IFNAR2: variants seen among roughly 807,000 people sequenced by gnomAD.
The protein encoded by IFNAR2 is interferon alpha/beta receptor 2.
A neutral mutation model predicts 49.4 loss-of-function variants in IFNAR2; 30 were observed. The observed-to-expected ratio is 0.61, with a 90% CI of 0.45 to 0.82. IFNAR2 has a LOEUF of 0.82. Ranked by LOEUF, IFNAR2 falls within the 40% of genes least tolerant of loss-of-function variation. The pLI is 0.00. For missense variants in IFNAR2, 600 were observed against 622.7 expected, an observed-to-expected ratio of 0.96 and a Z score of 0.39; for synonymous variants, 224 against 234.5, an observed-to-expected ratio of 0.96 and a Z score of 0.41.
intron 1 of IFNAR2, among the ~76,000 whole-genome samples, chr21:33,238,595 C>G (rs1375583490): frequency 2.0e-5 from 3 of 152,046 alleles, no homozygotes; most frequent in Non-Finnish European, 2.9e-5. Flanking sequence ...GATTATGACT[C>G]AAAATTTAGA....
intron 8 of IFNAR2, among the ~76,000 whole-genome samples, chr21:33,261,571 T>G (rs1988572072): frequency 6.6e-6 from 1 of 152,156 alleles, no homozygotes; most frequent in African/African-American, 2.4e-5. Context: ...AGTGGATTTA[T>G]CCTATAAAAA....
At chr21:33,242,602 G>A (rs1438192208) in intron 2 of IFNAR2, among the ~76,000 whole-genome samples, 5 of 150,526 alleles carry the variant, frequency 3.3e-5, no homozygotes, top group African/African-American at 7.3e-5. Context: ...GCGTGGTGGC[G>A]GGCGCCTGTA....
At chr21:33,262,137 C>T (rs1333337471) in intron 8 of IFNAR2, among the ~76,000 whole-genome samples, 1 of 152,086 alleles carries the variant, frequency 6.6e-6, no homozygotes, top group Non-Finnish European at 1.5e-5. Flanking sequence ...GAGGCCAAGG[C>T]AGGTAGATCA....
chr21:33,248,493 T>C (rs748228050), intron 5 of IFNAR2, among the ~76,000 whole-genome samples: 6 of 152,120 alleles, frequency 3.9e-5, no homozygotes, highest in Non-Finnish European at 7.3e-5. Flanking sequence ...CATTAAGTCT[T>C]TAATAAAAAT....
rs911869316 is a variant in IFNAR2, at chr21:33,264,260, G to T, written c.*760G>T. 5 of 152,364 alleles carry T rather than the reference G, an allele frequency of 3.3e-5. No individual in the cohort carries two copies. Among genetic ancestry groups the T allele is most frequent in the African/African-American group, 1.2e-4 (5 of 41,424 alleles). 9.4% of individuals were successfully genotyped at this position (152,364 alleles called of 1,614,324 possible). A position where few individuals can be genotyped will look rare whatever the true frequency, so the allele number is the denominator to read the frequency against. On this transcript the variant is annotated 3_prime_UTR_variant, in exon 9 of 9. Coordinates refer to ENST00000342136, the MANE Select transcript of IFNAR2 (RefSeq NM_001289125.3). ...TGCAAAGCAGGCAGGAAGGGAGGAGGAGAGCCAGGTGAGCAGTGGAGAGAA... is the reference window on the plus strand; with the variant it reads ...TGCAAAGCAGGCAGGAAGGGAGGAGTAGAGCCAGGTGAGCAGTGGAGAGAA...
chr21:33,245,157 T>TCTCTCC, intron 4 of IFNAR2, 83 bp downstream of exon 4: 1 of 1,026,418 alleles, frequency 9.7e-7, no homozygotes, highest in East Asian at 2.4e-5. Flanking sequence ...TCTCTCTCTG[T>TCTCTCC]CTCTCCCTCT....
At chr21:33,248,118 C>T (rs1031502204) in intron 5 of IFNAR2, among the ~76,000 whole-genome samples, 3 of 151,980 alleles carry the variant, frequency 2.0e-5, no homozygotes, top group African/African-American at 7.3e-5. Context: ...AAAGAGTGTG[C>T]TTTGGCATGG....
chr21:33,230,145 G>C lies in IFNAR2; in HGVS notation c.-155G>C. ...AGGCGCATCCTGACCGCGAGCGTCG[G>C]GTCCCAGAGCCGGGCGCGGCTGGGG... On this transcript the variant is annotated 5_prime_UTR_variant, in exon 1 of 9. Coordinates refer to ENST00000342136, the MANE Select transcript of IFNAR2 (RefSeq NM_001289125.3). The surrounding 1 kb of genome is among the most constrained non-coding windows in gnomAD (Gnocchi z 5.5). 9 of 993,696 alleles carry C rather than the reference G, an allele frequency of 9.1e-6. No homozygotes were observed. Among genetic ancestry groups the C allele is most frequent in the Non-Finnish European group, 1.1e-5 (9 of 834,218 alleles). The allele number at this position is 993,696 out of a possible 1,614,324, so 61.6% of individuals were successfully genotyped here.
In IFNAR2 at chr21:33,264,233, G is replaced by A. The variant is rs1988830718; in HGVS notation, c.*733G>A. The A allele has an allele frequency of 6.6e-6, 1 of 152,292 alleles. No individual in the cohort carries two copies. The highest frequency in any genetic ancestry group is 1.5e-5 in the Non-Finnish European group (1 of 68,114). 9.4% of individuals were successfully genotyped at this position (152,292 alleles called of 1,614,324 possible). Reference sequence around the variant, plus strand: ...AAAGAAAAGGAAAATAGTAGCAAGAGCTGCAAAGCAGGCAGGAAGGGAGGA... The same window carrying A: ...AAAGAAAAGGAAAATAGTAGCAAGAACTGCAAAGCAGGCAGGAAGGGAGGA... On this transcript the variant is annotated 3_prime_UTR_variant, in exon 9 of 9. Coordinates refer to ENST00000342136, the MANE Select transcript of IFNAR2 (RefSeq NM_001289125.3).
chr21:33,238,459 A>G (rs935294787), intron 1 of IFNAR2, among the ~76,000 whole-genome samples: 1 of 152,142 alleles, frequency 6.6e-6, no homozygotes, highest in African/African-American at 2.4e-5. Flanking sequence ...CCCACAATCT[A>G]TAGGTCTTAG....
chr21:33,252,705 A>G lies in IFNAR2; in HGVS notation c.584A>G (p.Tyr195Cys), dbSNP rs1244984889. The change falls in exon 7 of 9, where the codon TAT (tyrosine) becomes TGT (cysteine). Residue 195 changes from tyrosine to cysteine, a missense_variant. Transcript: ENST00000342136. ...GGAAACATGAGTGGAAATTTCACCTATATCATTGACAAGTTAATTCCAAAC... is the reference window on the plus strand; with the variant it reads ...GGAAACATGAGTGGAAATTTCACCTGTATCATTGACAAGTTAATTCCAAAC... ...IKGNMSGNFTYIIDKLIPNTN... is the reference protein window; with the variant it reads ...IKGNMSGNFTCIIDKLIPNTN... 1.2e-6 allele frequency: 2 copies of G among 1,613,830 alleles called. No homozygotes were observed. The highest frequency in any genetic ancestry group is 1.7e-6 in the Non-Finnish European group (2 of 1,179,810).
intron 7 of IFNAR2, among the ~76,000 whole-genome samples, chr21:33,257,628 C>T (rs997885409): frequency 1.5e-4 from 23 of 152,144 alleles, no homozygotes; most frequent in African/African-American, 5.6e-4. Flanking sequence ...TTTTACAATC[C>T]TCTTGTGAGA....
chr21:33,246,617 G>A, intron 4 of IFNAR2, 101 bp from the exon 5 acceptor site: 1 of 795,894 alleles, frequency 1.3e-6, no homozygotes, highest in Non-Finnish European at 2.0e-6. Flanking sequence ...AATGATATTT[G>A]GGCAGAGCCC....
Position 33,261,035 on chromosome 21 carries a change from CTTTTTTTT to C in IFNAR2, c.840+322_840+329del, listed in dbSNP as rs368696822. Among the ~76,000 whole-genome samples, 4 of 95,980 alleles carry C rather than the reference CTTTTTTTT, an allele frequency of 4.2e-5. No individual in the cohort carries two copies. The South Asian group carries it at 1.2e-3, about 28-fold the overall frequency. The allele number at this position is 95,980 out of a possible 152,430, so 63.0% of individuals were successfully genotyped here. ...ATCTGTGCATTTTATGTTTTCTTTC[CTTTTTTTT>C]TTTTTTTTTTTTTGAGACAGTCTCA... On this transcript the variant is annotated intron_variant, in intron 8 of 8. Coordinates refer to ENST00000342136, the MANE Select transcript of IFNAR2 (RefSeq NM_001289125.3).
At chr21:33,237,078 G>GATGT (rs3223272) in intron 1 of IFNAR2, among the ~76,000 whole-genome samples, 215 of 147,696 alleles carry the variant, frequency 1.5e-3, no homozygotes, top group African/African-American at 5.1e-3. Flanking sequence ...GGGAGAATGG[G>GATGT]GTGTGTGTGT....
At chr21:33,252,093 TATC>T in intron 6 of IFNAR2, 1 of 443,720 alleles carries the variant, frequency 2.3e-6, no homozygotes, top group Admixed American at 2.6e-5. Flanking sequence ...TCTATCTATC[TATC>T]TATCTATCTA....
At chr21:33,245,216 C>T in intron 4 of IFNAR2, 142 bp downstream of exon 4, 2 of 622,356 alleles carry the variant, frequency 3.2e-6, no homozygotes, top group South Asian at 4.1e-5. Context: ...TATTCAGAGC[C>T]TTAAAAAGCC....
chr21:33,244,923 T>G, intron 3 of IFNAR2, 28 bp from the exon 4 acceptor site: 1 of 1,612,380 alleles, frequency 6.2e-7, no homozygotes, highest in Non-Finnish European at 8.5e-7. Flanking sequence ...GTTCCAAATT[T>G]CAATGCCCTT....
chr21:33,250,196 A>C (rs980240349), intron 6 of IFNAR2, among the ~76,000 whole-genome samples: 5 of 152,166 alleles, frequency 3.3e-5, no homozygotes, highest in African/African-American at 1.2e-4. Context: ...AGGAGCAAAA[A>C]TGGGTGAAAA....
Sources: gnomAD v4.1 joint callset for allele counts (sites outside exome capture counted in the v4.1 genomes callset) on GRCh38, gnomAD v4.1.1 for gene constraint, Gnocchi (gnomAD v3.1) non-coding constraint, MANE v1.5 for transcripts, NCBI Gene and HGNC (gene_info 2026-07-23, HGNC 2026-07-21) for gene names.